Variants in GRHL2 observed in about 807,000 individuals in gnomAD.
The protein encoded by GRHL2 is grainyhead-like protein 2 homolog.
GRHL2 carries 21 observed loss-of-function variants against 83.8 expected under a neutral mutation model. The observed-to-expected ratio is 0.25, with a 90% CI of 0.18 to 0.36. The LOEUF (loss-of-function observed/expected upper bound fraction) is 0.36, where lower values mean the gene tolerates loss of function less well. Among genes scored for constraint, GRHL2 ranks in the 10% least tolerant of loss-of-function variants. The pLI is 1.00. For synonymous variants in GRHL2, 280 were observed against 278.9 expected, an observed-to-expected ratio of 1.00 and a Z score of -0.04; for missense variants, 623 against 781.8, an observed-to-expected ratio of 0.80 and a Z score of 2.42.
intron 7 of GRHL2, among the ~76,000 whole-genome samples, chr8:101,597,435 G>A (rs1163697849): frequency 6.6e-6 from 1 of 152,040 alleles, no homozygotes; most frequent in African/African-American, 2.4e-5. Flanking sequence ...CAACCCAAAT[G>A]TCCAACAATG....
intron 8 of GRHL2, among the ~76,000 whole-genome samples, chr8:101,604,035 A>AAAAAG (rs1812575001): frequency 6.7e-6 from 1 of 149,712 alleles, no homozygotes; most frequent in Non-Finnish European, 1.5e-5. Flanking sequence ...AAAAAAAAAA[A>AAAAAG]GCCATAAAAC....
chr8:101,550,133 T>G (rs2130144824), intron 2 of GRHL2, among the ~76,000 whole-genome samples: 1 of 151,272 alleles, frequency 6.6e-6, no homozygotes, highest in East Asian at 1.9e-4. Context: ...TTATTTTTAT[T>G]TTTTTTAATT....
chr8:101,620,335 G>A (rs186599963), intron 9 of GRHL2, among the ~76,000 whole-genome samples: 41 of 152,250 alleles, frequency 2.7e-4, no homozygotes, highest in African/African-American at 9.6e-4. Context: ...TGTGCTATAA[G>A]TTTGATCCAA....
intron 1 of GRHL2, among the ~76,000 whole-genome samples, chr8:101,536,071 A>G (rs1210095840): frequency 1.3e-5 from 2 of 152,192 alleles, no homozygotes; most frequent in African/African-American, 4.8e-5. Context: ...AGGCAGGGGA[A>G]CAGTCTGAGC....
At chr8:101,631,755 T>C in intron 10 of GRHL2, 31 bp downstream of exon 10, 1 of 1,569,242 alleles carries the variant, frequency 6.4e-7, no homozygotes, top group Non-Finnish European at 8.8e-7. Context: ...TGTTGCTTTC[T>C]AAAGACTCCA....
intron 3 of GRHL2, among the ~76,000 whole-genome samples, chr8:101,553,975 T>A (rs574889797): frequency 2.6e-5 from 4 of 152,202 alleles, no homozygotes; most frequent in Non-Finnish European, 4.4e-5. Flanking sequence ...TCTCTTCCCC[T>A]GCAGTGGGAT....
At chr8:101,598,981 G>C in intron 7 of GRHL2, 76 bp from the exon 8 acceptor site, 2 of 999,794 alleles carry the variant, frequency 2.0e-6, no homozygotes, top group Non-Finnish European at 3.2e-6. Context: ...TTTACCCATT[G>C]GAAAATGATG....
At chr8:101,504,847 C>T (rs1028970755) in intron 1 of GRHL2, among the ~76,000 whole-genome samples, 1 of 151,614 alleles carries the variant, frequency 6.6e-6, no homozygotes, top group African/African-American at 2.4e-5. Flanking sequence ...GTGTTGTCGC[C>T]AACGTGAACT....
At chr8:101,609,730 C>T (rs1563606136) in intron 8 of GRHL2, among the ~76,000 whole-genome samples, 1 of 150,664 alleles carries the variant, frequency 6.6e-6, no homozygotes, top group Non-Finnish European at 1.5e-5. Flanking sequence ...TTTATGCTAC[C>T]ATTTGTGTAA....
chr8:101,509,134 C>T (rs929196090), intron 1 of GRHL2, among the ~76,000 whole-genome samples: 26 of 63,862 alleles, frequency 4.1e-4, no homozygotes, highest in African/African-American at 1.0e-3. Context: ...TCCTTCCTTC[C>T]TTCCTTCCTT....
chr8:101,564,654 A>T (rs183766437), intron 4 of GRHL2, among the ~76,000 whole-genome samples: 2 of 152,136 alleles, frequency 1.3e-5, no homozygotes, highest in Admixed American at 1.3e-4. Context: ...AAAATACAAA[A>T]TAAAAAAATT....
At chr8:101,597,866 A>G (rs1680317244) in intron 7 of GRHL2, among the ~76,000 whole-genome samples, 1 of 152,186 alleles carries the variant, frequency 6.6e-6, no homozygotes, top group Admixed American at 6.5e-5. Context: ...TAGGCATGCA[A>G]CGAGCAGTGA....
At chr8:101,541,707 G>A (rs549797253) in intron 1 of GRHL2, among the ~76,000 whole-genome samples, 1 of 152,218 alleles carries the variant, frequency 6.6e-6, no homozygotes, top group Admixed American at 6.5e-5. Flanking sequence ...GGAGAGAAGT[G>A]ACCAAACCTC....
rs1809989176 is a variant in GRHL2 at position 101,492,715 on chromosome 8, GT to G, written c.-52del. 6.4e-7 allele frequency: 1 copy of G among 1,551,240 alleles called. No individual in the cohort carries two copies. Among genetic ancestry groups the G allele is most frequent in the African/African-American group, 1.4e-5 (1 of 73,640 alleles). On this transcript the variant is annotated 5_prime_UTR_variant, in exon 1 of 16. Coordinates refer to ENST00000646743, the MANE Select transcript of GRHL2 (RefSeq NM_024915.4). ...TCACCTGCACAGACTTGAAAGTCCA[GT>G]TTCACCAGAGGCTGAGGCTCCAGGA...
the GRHL2 span, among the ~76,000 whole-genome samples, chr8:101,679,533 T>G: frequency 6.7e-6 from 1 of 149,574 alleles, no homozygotes; most frequent in African/African-American, 2.5e-5. Context: ...TTCCCCAATC[T>G]AGCAAGGCAG....
intron 1 of GRHL2, among the ~76,000 whole-genome samples, chr8:101,506,781 T>C (rs1177164242): frequency 6.6e-6 from 1 of 152,168 alleles, no homozygotes; most frequent in Non-Finnish European, 1.5e-5. Context: ...TGAGGGTGTC[T>C]TTTTCTCATT....
intron 14 of GRHL2, among the ~76,000 whole-genome samples, chr8:101,655,997 C>T (rs1486334792): frequency 3.9e-5 from 6 of 152,224 alleles, no homozygotes; most frequent in Admixed American, 3.3e-4. Context: ...TGTCCTTCCT[C>T]CATATGGACA....
At chr8:101,516,599 G>A (rs1205174021) in intron 1 of GRHL2, among the ~76,000 whole-genome samples, 1 of 151,968 alleles carries the variant, frequency 6.6e-6, no homozygotes, top group African/African-American at 2.4e-5. Context: ...TAAAGACTGA[G>A]TCTTACTATG....
chr8:101,553,745 AG>A (rs993497486), intron 3 of GRHL2, among the ~76,000 whole-genome samples: 1 of 149,506 alleles, frequency 6.7e-6, no homozygotes, highest in African/African-American at 2.5e-5. Flanking sequence ...TTCCTGCCTC[AG>A]CATCCTGAGT....
Sources: allele counts gnomAD v4.1 joint callset (sites outside exome capture counted in the v4.1 genomes callset), GRCh38; gene constraint gnomAD v4.1.1; transcripts MANE v1.5; gene names NCBI Gene and HGNC (gene_info 2026-07-23, HGNC 2026-07-21).